The following THSD7B variants were observed in gnomAD, a reference collection of about 807,000 sequenced individuals.
THSD7B encodes thrombospondin type 1 domain containing 7B.
In THSD7B, 138 loss-of-function variants were observed where a neutral mutation model predicts 213.6. The ratio of observed to expected loss-of-function variants is 0.65; its 90% CI spans 0.56 to 0.74. The LOEUF is 0.74. Ranked by LOEUF, THSD7B falls within the 30% of genes least tolerant of loss-of-function variation. THSD7B has a pLI of 0.00. For missense variants in THSD7B, 1,931 were observed against 1,991.5 expected, an observed-to-expected ratio of 0.97 and a Z score of 0.58; for synonymous variants, 742 against 687.0, an observed-to-expected ratio of 1.08 and a Z score of -1.25.
At chr2:137,271,204 C>T (rs928760181) in intron 10 of THSD7B, among the ~76,000 whole-genome samples, 5 of 151,262 alleles carry the variant, frequency 3.3e-5, no homozygotes, top group Non-Finnish European at 5.9e-5. Context: ...ATAACCCTCA[C>T]TGCGCTCCTC....
At chr2:136,853,554 C>A (rs1317378005) in intron 1 of THSD7B, among the ~76,000 whole-genome samples, 1 of 152,142 alleles carries the variant, frequency 6.6e-6, no homozygotes, top group Non-Finnish European at 1.5e-5. Context: ...ACCTTGATAA[C>A]CTGGTCAAGA....
At position 137,087,342 on chromosome 2, in the gene THSD7B, G is replaced by A. The variant is rs1344388060; in HGVS notation, c.951-7531G>A. ...GAGCAATCAGACAAAAGAACTCAAG[G>A]CATACAAATCAGAAAAGAGGAAGCC... On this transcript the variant is annotated intron_variant, in intron 3 of 27. Transcript: ENST00000409968. 2.6e-5 allele frequency among the ~76,000 whole-genome samples: 4 copies of A among 152,072 alleles called. 1 individual carries two copies. Among genetic ancestry groups the A allele is most frequent in the Non-Finnish European group, 5.9e-5 (4 of 68,020 alleles).
At chr2:137,364,066 G>A (rs1685342173) in intron 12 of THSD7B, among the ~76,000 whole-genome samples, 1 of 152,154 alleles carries the variant, frequency 6.6e-6, no homozygotes, top group South Asian at 2.1e-4. Context: ...CTTCATCCCT[G>A]GAATGCAAGG....
chr2:136,766,716 C>G (rs1041317542), intron 1 of THSD7B, among the ~76,000 whole-genome samples: 1 of 152,126 alleles, frequency 6.6e-6, no homozygotes, highest in Non-Finnish European at 1.5e-5. Flanking sequence ...CGATTCAATA[C>G]TGTACAGTCA....
At chr2:137,398,539 G>A (rs1469299868) in intron 12 of THSD7B, among the ~76,000 whole-genome samples, 76 of 151,550 alleles carry the variant, frequency 5.0e-4, no homozygotes, top group Middle Eastern at 6.9e-3. Flanking sequence ...CTCCAGCTGC[G>A]TGCTGGGAGA....
chr2:137,258,211 A>AT (rs1209457638), intron 10 of THSD7B, among the ~76,000 whole-genome samples: 8 of 152,218 alleles, frequency 5.3e-5, no homozygotes, highest in South Asian at 4.1e-4. Flanking sequence ...TATGGCTTTT[A>AT]TTTTTTATGT....
chr2:137,584,815 T>C (rs1362090249), intron 17 of THSD7B, among the ~76,000 whole-genome samples: 3 of 152,210 alleles, frequency 2.0e-5, no homozygotes, highest in African/African-American at 7.2e-5. Flanking sequence ...GTTGTGTCTC[T>C]GTCAGGCTTT....
chr2:137,311,448 C>A (rs1407156704), intron 12 of THSD7B, among the ~76,000 whole-genome samples: 2 of 152,122 alleles, frequency 1.3e-5, no homozygotes, highest in African/African-American at 4.8e-5. Context: ...ATGTCGTCTG[C>A]AGACAGGGAC....
intron 4 of THSD7B, among the ~76,000 whole-genome samples, chr2:137,104,562 C>T (rs1300811899): frequency 6.6e-6 from 1 of 151,936 alleles, no homozygotes; most frequent in Admixed American, 6.6e-5. Context: ...AAGATCAGAG[C>T]AGAACTGAAG....
intron 1 of THSD7B, among the ~76,000 whole-genome samples, chr2:136,799,852 T>C (rs367737882): frequency 1.3e-5 from 2 of 152,088 alleles, no homozygotes; most frequent in African/African-American, 4.8e-5. Flanking sequence ...CAAGGGCATC[T>C]CCATTGTTCT....
chr2:137,042,596 A>G (rs1219802737), intron 2 of THSD7B, among the ~76,000 whole-genome samples: 1 of 152,216 alleles, frequency 6.6e-6, no homozygotes, highest in Non-Finnish European at 1.5e-5. Context: ...CTTTCTTACT[A>G]AACTCAGAGG....
At chr2:137,369,098 T>A (rs1418120823) in intron 12 of THSD7B, among the ~76,000 whole-genome samples, 1 of 145,464 alleles carries the variant, frequency 6.9e-6, no homozygotes, top group East Asian at 2.1e-4. Context: ...CCATTGCCCC[T>A]TGCTGATTTG....
chr2:136,815,835 A>G (rs899314584), intron 1 of THSD7B, among the ~76,000 whole-genome samples: 1 of 152,102 alleles, frequency 6.6e-6, no homozygotes, highest in South Asian at 2.1e-4. Flanking sequence ...GAAAGTGAGA[A>G]TCTTCTTCCA....
intron 1 of THSD7B, among the ~76,000 whole-genome samples, chr2:136,857,552 G>A (rs962691301): frequency 1.3e-5 from 2 of 152,096 alleles, no homozygotes; most frequent in African/African-American, 4.8e-5. Context: ...TCTATAATGT[G>A]GTTCTATAGC....
intron 5 of THSD7B, among the ~76,000 whole-genome samples, chr2:137,149,857 C>T (rs1036636856): frequency 1.3e-5 from 2 of 152,176 alleles, no homozygotes; most frequent in Non-Finnish European, 2.9e-5. Context: ...TGACTTGTCT[C>T]AGATGACACT....
intron 1 of THSD7B, among the ~76,000 whole-genome samples, chr2:136,879,308 T>C (rs1683578811): frequency 6.6e-6 from 1 of 152,246 alleles, no homozygotes; most frequent in Admixed American, 6.5e-5. Context: ...CATGCTGTTT[T>C]GGTTACTGTA....
chr2:137,433,673 G>A (rs1687233652), intron 14 of THSD7B, among the ~76,000 whole-genome samples: 2 of 151,892 alleles, frequency 1.3e-5, no homozygotes, highest in South Asian at 2.1e-4. Flanking sequence ...ACTTTCTCTA[G>A]GCCATTTCAA....
chr2:136,813,463 G>C (rs185866868), intron 1 of THSD7B, among the ~76,000 whole-genome samples: 1 of 152,246 alleles, frequency 6.6e-6, no homozygotes, highest in African/African-American at 2.4e-5. Context: ...TGACTTAAAC[G>C]TATACACACA....
chr2:136,971,834 G>A (rs1573741823), intron 2 of THSD7B, among the ~76,000 whole-genome samples: 1 of 151,878 alleles, frequency 6.6e-6, no homozygotes, highest in East Asian at 1.9e-4. Context: ...AAGAAGTTTC[G>A]AGATAGGGAA....
Sources: allele counts gnomAD v4.1 joint callset (sites outside exome capture counted in the v4.1 genomes callset), GRCh38; gene constraint gnomAD v4.1.1; transcripts MANE v1.5; gene names NCBI Gene and HGNC (gene_info 2026-07-23, HGNC 2026-07-21).